Variants in MACROD2 observed in about 807,000 individuals in gnomAD.
MACROD2 encodes the protein ADP-ribose glycohydrolase MACROD2.
MACROD2 carries 36 observed loss-of-function variants against 70.4 expected under a neutral mutation model. The observed-to-expected ratio is 0.51, with a 90% CI of 0.39 to 0.68. The LOEUF (loss-of-function observed/expected upper bound fraction) is 0.68, where lower values mean the gene tolerates loss of function less well. Among genes scored for constraint, MACROD2 ranks in the 30% least tolerant of loss-of-function variants. The pLI is 0.00. For synonymous variants in MACROD2, 172 were observed against 178.8 expected (o/e 0.96, Z 0.30); for missense variants, 496 against 538.4 (o/e 0.92, Z 0.78).
intron 4 of MACROD2, among the ~76,000 whole-genome samples, chr20:14,633,020 C>T (rs1220348396): frequency 2.6e-5 from 4 of 152,176 alleles, no homozygotes; most frequent in South Asian, 2.1e-4. Context: ...ATCAGTGTCG[C>T]GGTGTGGAAG....
intron 8 of MACROD2, among the ~76,000 whole-genome samples, chr20:15,807,171 C>T (rs1305806062): frequency 6.6e-6 from 1 of 152,182 alleles, no homozygotes; most frequent in Admixed American, 6.5e-5. Flanking sequence ...CTGGAGAATC[C>T]AGCTGATTAC....
intron 15 of MACROD2, among the ~76,000 whole-genome samples, chr20:16,023,344 G>A (rs1044555522): frequency 1.3e-5 from 2 of 151,622 alleles, no homozygotes; most frequent in Non-Finnish European, 2.9e-5. Flanking sequence ...GCATGGTGGC[G>A]GGCTCCTGTA....
chr20:15,321,989 C>T (rs948681463), intron 6 of MACROD2, among the ~76,000 whole-genome samples: 4 of 143,538 alleles, frequency 2.8e-5, no homozygotes, highest in African/African-American at 1.0e-4. Context: ...GACAGGTATT[C>T]ACCATGTTGG....
At chr20:15,399,368 C>T (rs936855501) in intron 6 of MACROD2, among the ~76,000 whole-genome samples, 3 of 152,162 alleles carry the variant, frequency 2.0e-5, no homozygotes, top group East Asian at 1.9e-4. Flanking sequence ...TGATTTACTA[C>T]CTGATATGTT....
chr20:14,247,524 A>G (rs1384708750), intron 3 of MACROD2, among the ~76,000 whole-genome samples: 9 of 152,182 alleles, frequency 5.9e-5, no homozygotes, highest in Non-Finnish European at 2.9e-5. Context: ...TGTTATTTGG[A>G]GATAGAGTTT....
At chr20:14,539,756 T>G (rs1330558100) in intron 4 of MACROD2, among the ~76,000 whole-genome samples, 1 of 152,258 alleles carries the variant, frequency 6.6e-6, no homozygotes, top group African/African-American at 2.4e-5. Context: ...ATAGACAATT[T>G]ACTTTGTTTT....
chr20:15,826,562 G>T (rs2063999300), intron 8 of MACROD2, among the ~76,000 whole-genome samples: 1 of 151,978 alleles, frequency 6.6e-6, no homozygotes, highest in African/African-American at 2.4e-5. Flanking sequence ...AAACATTATT[G>T]CTATGAAATT....
rs1056205345 is a variant in MACROD2, at chr20:15,927,557, C to T, written c.776-5719C>T. Among the ~76,000 whole-genome samples, 12 of 152,038 alleles carry T rather than the reference C, an allele frequency of 7.9e-5. No individual in the cohort carries two copies. The South Asian group carries it at 1.0e-3, about 13-fold the overall frequency. Reference sequence around the variant, plus strand: ...GATAAAGTCGAATACGACGGTATGACGTTCATGGTTATGTGTGTGAGGTGT... The same window carrying T: ...GATAAAGTCGAATACGACGGTATGATGTTCATGGTTATGTGTGTGAGGTGT... On this transcript the variant is annotated intron_variant, in intron 10 of 17. Transcript: ENST00000684519.
At chr20:15,695,104 T>C (rs1193830186) in intron 8 of MACROD2, among the ~76,000 whole-genome samples, 6 of 152,356 alleles carry the variant, frequency 3.9e-5, no homozygotes, top group South Asian at 4.1e-4. Context: ...AATACCATGC[T>C]GTTTTGGTGA....
chr20:14,542,380 T>A (rs1020381047), intron 4 of MACROD2, among the ~76,000 whole-genome samples: 5 of 152,236 alleles, frequency 3.3e-5, no homozygotes, highest in African/African-American at 1.2e-4. Flanking sequence ...ACTTTAAACA[T>A]TCTAAATATT....
chr20:14,794,743 A>T (rs1356198856), intron 5 of MACROD2, among the ~76,000 whole-genome samples: 1 of 152,162 alleles, frequency 6.6e-6, no homozygotes, highest in East Asian at 1.9e-4. Flanking sequence ...CTGGGGTCTT[A>T]TAAGTGCCAG....
At chr20:14,041,982 A>G (rs2148640557) in intron 2 of MACROD2, among the ~76,000 whole-genome samples, 1 of 152,262 alleles carries the variant, frequency 6.6e-6, no homozygotes, top group South Asian at 2.1e-4. Context: ...AAAGATGAAG[A>G]CAATGAGGAA....
intron 4 of MACROD2, among the ~76,000 whole-genome samples, chr20:14,520,204 A>G (rs1222598045): frequency 1.3e-5 from 2 of 152,150 alleles, no homozygotes; most frequent in African/African-American, 4.8e-5. Context: ...GTGTACCCCT[A>G]CACCTAAAGT....
At chr20:14,154,552 A>ATTTTTTTTTTT (rs869299523) in intron 3 of MACROD2, among the ~76,000 whole-genome samples, 23 of 106,652 alleles carry the variant, frequency 2.2e-4, no homozygotes, top group Non-Finnish European at 3.2e-4. Flanking sequence ...CGCCCGGCTA[A>ATTTTTTTTTTT]TTTTTTTTTT....
chr20:14,005,902 T>G (rs1395132514), intron 2 of MACROD2, among the ~76,000 whole-genome samples: 1 of 152,106 alleles, frequency 6.6e-6, no homozygotes, highest in Non-Finnish European at 1.5e-5. Flanking sequence ...CACCTGCCTC[T>G]TTTTCCAAAC....
intron 5 of MACROD2, among the ~76,000 whole-genome samples, chr20:14,717,016 A>T (rs2071404430): frequency 6.6e-6 from 1 of 152,162 alleles, no homozygotes; most frequent in Non-Finnish European, 1.5e-5. Flanking sequence ...CTTCATTTTT[A>T]AAAAATTTAA....
intron 5 of MACROD2, among the ~76,000 whole-genome samples, chr20:14,821,812 T>G (rs1203547807): frequency 6.6e-6 from 1 of 151,924 alleles, no homozygotes; most frequent in Non-Finnish European, 1.5e-5. Context: ...CAAGACCCAC[T>G]CTGGCACTTC....
At chr20:15,471,328 C>A (rs942029406) in intron 7 of MACROD2, among the ~76,000 whole-genome samples, 1 of 152,192 alleles carries the variant, frequency 6.6e-6, no homozygotes, top group African/African-American at 2.4e-5. Context: ...CATTCAATCC[C>A]AGTGTTCCCT....
rs1240061098 is a variant in MACROD2 at position 15,917,812 on chromosome 20, A to C, written c.776-15464A>C. Among the ~76,000 whole-genome samples the C allele has an allele frequency of 3.3e-5, 5 of 151,960 alleles. 1 individual carries two copies. The highest frequency in any genetic ancestry group is 1.3e-4 in the Admixed American group (2 of 15,252). ...AGTTGACAAAAGAAAATGTATTAACATGTATGTGTGATTAATGAATTCATA... is the reference window on the plus strand; with the variant it reads ...AGTTGACAAAAGAAAATGTATTAACCTGTATGTGTGATTAATGAATTCATA... On this transcript the variant is annotated intron_variant, in intron 10 of 17. Coordinates refer to ENST00000684519, the MANE Select transcript of MACROD2 (RefSeq NM_001351661.2).
Sources: gnomAD v4.1 joint callset for allele counts (sites outside exome capture counted in the v4.1 genomes callset) on GRCh38, gnomAD v4.1.1 for gene constraint, MANE v1.5 for transcripts, NCBI Gene and HGNC (gene_info 2026-07-23, HGNC 2026-07-21) for gene names.